Variants in VGLL4 observed in about 807,000 individuals in gnomAD.
VGLL4 encodes transcription cofactor vestigial-like protein 4.
Under a neutral mutation model 21.0 loss-of-function variants are expected in VGLL4, and 7 were observed. The ratio of observed to expected loss-of-function variants is 0.33; its 90% CI spans 0.19 to 0.63. VGLL4 has a LOEUF of 0.63. Ranked by LOEUF, VGLL4 falls within the 20% of genes least tolerant of loss-of-function variation. The pLI is 0.78. For synonymous variants in VGLL4, 222 were observed against 173.2 expected, an observed-to-expected ratio of 1.28 and a Z score of -2.21; for missense variants, 394 against 425.7, an observed-to-expected ratio of 0.93 and a Z score of 0.66.
chr3:11,579,235 C>T (rs1459750405), intron 2 of VGLL4, among the ~76,000 whole-genome samples: 1 of 124,272 alleles, frequency 8.0e-6, no homozygotes, highest in Non-Finnish European at 1.8e-5. Context: ...AAAAAAAAAA[C>T]CAGACTGCTT....
At chr3:11,610,908 G>A (rs2075048793) in intron 1 of VGLL4, among the ~76,000 whole-genome samples, 1 of 152,172 alleles carries the variant, frequency 6.6e-6, no homozygotes, top group Admixed American at 6.5e-5. Flanking sequence ...GCCCTGTGAG[G>A]GAGGCGGGGA....
At chr3:11,665,963 A>G (rs2076117597) in intron 2 of VGLL4, among the ~76,000 whole-genome samples, 1 of 152,194 alleles carries the variant, frequency 6.6e-6, no homozygotes, top group African/African-American at 2.4e-5. Flanking sequence ...TAGAAAGTTC[A>G]TTCTGGGCCG....
intron 2 of VGLL4, among the ~76,000 whole-genome samples, chr3:11,566,197 TAC>T (rs960209982): frequency 3.9e-5 from 6 of 152,002 alleles, no homozygotes; most frequent in African/African-American, 9.7e-5. Flanking sequence ...CACAGAATGT[TAC>T]ACACACACTG....
At chr3:11,656,238 G>T (rs371677911) in intron 2 of VGLL4, among the ~76,000 whole-genome samples, 47 of 152,330 alleles carry the variant, frequency 3.1e-4, no homozygotes, top group African/African-American at 1.1e-3. Flanking sequence ...ACCACACAGG[G>T]AGTGCTTCCC....
intron 1 of VGLL4, among the ~76,000 whole-genome samples, chr3:11,616,842 A>G (rs2075171852): frequency 6.6e-6 from 1 of 152,236 alleles, no homozygotes; most frequent in African/African-American, 2.4e-5. Flanking sequence ...AGTGGGAGTG[A>G]TAAGTTATGG....
Position 11,601,916 on chromosome 3 carries a change from C to T in VGLL4, c.189G>A (p.Lys63=). 1 of 1,613,910 alleles carries T rather than the reference C, an allele frequency of 6.2e-7. No homozygotes were observed. The highest frequency in any genetic ancestry group is 8.5e-7 in the Non-Finnish European group (1 of 1,179,922). Residue 63 remains lysine, a synonymous_variant, in exon 2 of 5, where the codon AAG becomes AAA. Coordinates refer to ENST00000430365, the MANE Select transcript of VGLL4 (RefSeq NM_001128219.3). ...GPPPISPSKR[K]FSMEPGDEDL... ...CCTCGTCACCTGGCTCCATGCTGAA[C>T]TTCCTCTTGCTGGGGCTGATTGGGG...
intron 2 of VGLL4, among the ~76,000 whole-genome samples, chr3:11,696,820 C>G (rs935537051): frequency 2.0e-5 from 3 of 152,162 alleles, no homozygotes; most frequent in Non-Finnish European, 4.4e-5. Context: ...TTCACTGCAG[C>G]CTAGTACTCC....
At chr3:11,597,500 A>G (rs1426961329) in intron 2 of VGLL4, among the ~76,000 whole-genome samples, 5 of 152,180 alleles carry the variant, frequency 3.3e-5, no homozygotes, top group Admixed American at 2.0e-4. Context: ...CTTAAAACTT[A>G]CATTTGTTTT....
intron 2 of VGLL4, among the ~76,000 whole-genome samples, chr3:11,595,426 G>A (rs889132942): frequency 2.7e-4 from 41 of 152,282 alleles, no homozygotes; most frequent in Admixed American, 1.8e-3. Flanking sequence ...AAGTCAGTGT[G>A]GTGATTCCTC....
In VGLL4 at chr3:11,558,540, G is replaced by A; in HGVS notation, c.*16C>T. The A allele has an allele frequency of 6.6e-7, 1 of 1,506,502 alleles. No homozygotes were observed. The highest frequency in any genetic ancestry group is 8.9e-7 in the Non-Finnish European group (1 of 1,121,390). 93.3% of individuals were successfully genotyped at this position (1,506,502 alleles called of 1,614,324 possible). A position where few individuals can be genotyped will look rare whatever the true frequency, so the allele number is the denominator to read the frequency against. On this transcript the variant is annotated 3_prime_UTR_variant, in exon 5 of 5. Coordinates refer to ENST00000430365, the MANE Select transcript of VGLL4 (RefSeq NM_001128219.3). ...AAACCATGCAGATCCACGTGTTGTT[G>A]GAGGAGGCGCTCCCTTCAGGAGACC...
At chr3:11,714,997 CGGT>C (rs2076899700) in intron 1 of VGLL4, among the ~76,000 whole-genome samples, 1 of 151,908 alleles carries the variant, frequency 6.6e-6, no homozygotes, top group Non-Finnish European at 1.5e-5. Flanking sequence ...TAGCCAGGCA[CGGT>C]GGCGGGCGCC....
chr3:11,605,755 A>T (rs2074925493), intron 1 of VGLL4, among the ~76,000 whole-genome samples: 1 of 152,194 alleles, frequency 6.6e-6, no homozygotes, highest in African/African-American at 2.4e-5. Flanking sequence ...CAACTGACCT[A>T]CTGAATCAAT....
At chr3:11,710,490 G>A (rs1300614198) in intron 1 of VGLL4, 1 of 152,174 alleles carries the variant, frequency 6.6e-6, no homozygotes, top group Non-Finnish European at 1.5e-5. Context: ...GGAGGCCAGG[G>A]GGGTGAGCAT....
At chr3:11,581,385 G>A (rs1024019277) in intron 2 of VGLL4, among the ~76,000 whole-genome samples, 1 of 151,970 alleles carries the variant, frequency 6.6e-6, no homozygotes, top group Non-Finnish European at 1.5e-5. Flanking sequence ...TCTCTTTAAT[G>A]GCCAGAAAGT....
chr3:11,646,287 A>C (rs950664782), upstream of VGLL4, among the ~76,000 whole-genome samples: 18 of 152,240 alleles, frequency 1.2e-4, no homozygotes, highest in African/African-American at 4.3e-4. Context: ...AATATCAGGT[A>C]TCAGATTTAA....
intron 1 of VGLL4, among the ~76,000 whole-genome samples, chr3:11,621,022 A>G (rs1486511235): frequency 6.6e-6 from 1 of 152,220 alleles, no homozygotes; most frequent in Non-Finnish European, 1.5e-5. Flanking sequence ...AATGACCGAT[A>G]GGTGCCATTA....
intron 2 of VGLL4, among the ~76,000 whole-genome samples, chr3:11,588,813 C>T (rs192130493): frequency 4.5e-4 from 68 of 152,316 alleles, no homozygotes; most frequent in Middle Eastern, 6.8e-3. Context: ...TCCAGTGAGG[C>T]GGTGCTGAAT....
intron 1 of VGLL4, among the ~76,000 whole-genome samples, chr3:11,717,855 GA>G (rs2076940286): frequency 6.6e-6 from 1 of 152,040 alleles, no homozygotes; most frequent in Non-Finnish European, 1.5e-5. Context: ...TGATGTATTG[GA>G]ACTAATATTA....
At position 11,568,778 on chromosome 3, in the gene VGLL4, G is replaced by A. The variant is rs906625089; in HGVS notation, c.273-3759C>T. On this transcript the variant is annotated intron_variant, in intron 2 of 4. Coordinates refer to ENST00000430365, the MANE Select transcript of VGLL4 (RefSeq NM_001128219.3). This position sits in a 1 kb window ranked among gnomAD's most constrained non-coding sequence, Gnocchi z 5.9. ...GGAGATGGAAGTCGCCTCCGCTCCT[G>A]GTCAGGACTGTGCCCGAGAGAGCCC... 4.7e-6 allele frequency: 7 copies of A among 1,480,178 alleles called. No homozygotes were observed. Among genetic ancestry groups the A allele is most frequent in the Admixed American group, 2.2e-5 (1 of 44,538 alleles). 91.7% of individuals were successfully genotyped at this position (1,480,178 alleles called of 1,614,324 possible).
Sources: allele counts gnomAD v4.1 joint callset (sites outside exome capture counted in the v4.1 genomes callset), GRCh38; gene constraint gnomAD v4.1.1; non-coding constraint Gnocchi (gnomAD v3.1); transcripts MANE v1.5; gene names NCBI Gene and HGNC (gene_info 2026-07-23, HGNC 2026-07-21).